NPHP1: variants seen among roughly 807,000 people sequenced by gnomAD.
The protein encoded by NPHP1 is nephrocystin-1.
A neutral mutation model predicts 90.4 loss-of-function variants in NPHP1; 70 were observed. The ratio of observed to expected loss-of-function variants is 0.77; its 90% confidence interval spans 0.64 to 0.95. The LOEUF is 0.95. NPHP1 is among the 40% of genes least tolerant of loss of function. NPHP1 has a pLI of 0.00. For missense variants in NPHP1, 764 were observed against 795.9 expected (o/e 0.96, Z 0.48); for synonymous variants, 256 against 271.7 (o/e 0.94, Z 0.57).
At chr2:110,189,350 C>T (rs929614698) in intron 2 of NPHP1, among the ~76,000 whole-genome samples, 3 of 152,026 alleles carry the variant, frequency 2.0e-5, no homozygotes, top group Admixed American at 1.3e-4. Context: ...CTGGTGGGTT[C>T]GTGGTCTCGC....
intron 4 of NPHP1, among the ~76,000 whole-genome samples, chr2:110,173,470 C>A (rs908558515): frequency 2.0e-5 from 3 of 152,086 alleles, no homozygotes; most frequent in Non-Finnish European, 4.4e-5. Context: ...TCATGTGCTG[C>A]ACAACAATGT....
chr2:110,194,194 T>G (rs1346852759), intron 2 of NPHP1, among the ~76,000 whole-genome samples: 1 of 151,992 alleles, frequency 6.6e-6, no homozygotes, highest in Non-Finnish European at 1.5e-5. Flanking sequence ...AAAAAAACCC[T>G]TCAAAAAATT....
chr2:110,202,269 C>T, intron 1 of NPHP1: 1 of 305,486 alleles, frequency 3.3e-6, no homozygotes, highest in Middle Eastern at 4.4e-4. Context: ...CTATAGATTA[C>T]GTAGAGAAGA....
chr2:110,178,809 A>C lies in NPHP1; in HGVS notation c.205-262T>G, dbSNP rs1173188037. ...TAAGTATTATAGACCTTCCATAGTC[A>C]GTAAGAGATATGTTCTGACAGAAGA... On this transcript the variant is annotated intron_variant, in intron 3 of 19. Transcript: ENST00000445609. 11 of 367,446 alleles carry C rather than the reference A, an allele frequency of 3.0e-5. No individual in the cohort carries two copies. The East Asian group carries it at 5.8e-4, about 19-fold the overall frequency. 22.8% of individuals were successfully genotyped at this position (367,446 alleles called of 1,614,324 possible).
intron 7 of NPHP1, 29 bp downstream of exon 7, chr2:110,165,023 T>C: frequency 6.6e-7 from 1 of 1,522,430 alleles, no homozygotes; most frequent in African/African-American, 1.4e-5. Flanking sequence ...TTCCTAAACC[T>C]ACTTTGATAT....
At chr2:110,150,101 C>T in intron 12 of NPHP1, 81 bp downstream of exon 12, 1 of 1,073,450 alleles carries the variant, frequency 9.3e-7, no homozygotes, top group Non-Finnish European at 1.5e-6. Context: ...TCTGTTCCCA[C>T]ATACTCTGTG....
At chr2:110,184,559 GC>G in intron 2 of NPHP1, 1 of 1,317,794 alleles carries the variant, frequency 7.6e-7, no homozygotes, top group Non-Finnish European at 1.1e-6. Context: ...CCCATGCTGT[GC>G]CCATCTATCA....
chr2:110,128,881 A>G lies in NPHP1; in HGVS notation c.1716+305T>C, dbSNP rs141702314. 1,037 of 405,350 alleles carry G rather than the reference A, an allele frequency of 2.6e-3. 10 individuals carry two copies. The highest frequency in any genetic ancestry group is 0.019 in the African/African-American group (970 of 49,968). 25.1% of individuals were successfully genotyped at this position (405,350 alleles called of 1,614,324 possible). The stretch of plus-strand genomic sequence containing the variant: ...TGCAAATTCAATTGATTTATCTTAC[A>G]GACCATTTTGGATTTTTGCTCTTAG... On this transcript the variant is annotated intron_variant, in intron 18 of 19. Transcript: ENST00000445609.
In NPHP1 at chr2:110,190,718, G is replaced by T. The variant is rs923698555; in HGVS notation, c.143+10703C>A. On this transcript the variant is annotated intron_variant, in intron 2 of 19. Coordinates refer to ENST00000445609, the MANE Select transcript of NPHP1 (RefSeq NM_001128178.3). ...CAGGCAGAGGAGGCGCCAAGAGTGA[G>T]CGAGGGCTGTGAGGACTGCCAGCAT... 2.0e-5 allele frequency among the ~76,000 whole-genome samples: 3 copies of T among 152,222 alleles called. 1 individual carries two copies. The highest frequency in any genetic ancestry group is 4.4e-5 in the Non-Finnish European group (3 of 68,040).
chr2:110,177,797 A>G (rs563065766), intron 4 of NPHP1, among the ~76,000 whole-genome samples: 2 of 151,216 alleles, frequency 1.3e-5, no homozygotes, highest in East Asian at 3.9e-4. Flanking sequence ...CAGGCTGTGC[A>G]CTGAGGTGAT....
Position 110,154,141 on chromosome 2 carries a change from T to C in NPHP1, c.1084-3885A>G, listed in dbSNP as rs548989307. Among the ~76,000 whole-genome samples the C allele has an allele frequency of 2.6e-5, 4 of 152,252 alleles. No homozygotes were observed. In the South Asian group the frequency reaches 8.3e-4, roughly 32 times the overall value. ...TTATGGGGATGGGTCTTTCCTGCGCTGTTCTTGTGATAGTGAATGAGTCTC... is the reference window on the plus strand; with the variant it reads ...TTATGGGGATGGGTCTTTCCTGCGCCGTTCTTGTGATAGTGAATGAGTCTC... On this transcript the variant is annotated intron_variant, in intron 11 of 19. Coordinates refer to ENST00000445609, the MANE Select transcript of NPHP1 (RefSeq NM_001128178.3).
At chr2:110,195,518 T>C (rs1412315474) in intron 2 of NPHP1, among the ~76,000 whole-genome samples, 1 of 152,126 alleles carries the variant, frequency 6.6e-6, no homozygotes, top group African/African-American at 2.4e-5. Context: ...TACAAACAAA[T>C]GGAAGAACAT....
chr2:110,136,426 A>G (rs1369408505), intron 16 of NPHP1, among the ~76,000 whole-genome samples: 1 of 152,168 alleles, frequency 6.6e-6, no homozygotes. Context: ...AGAAAACCCC[A>G]TTGTCTCAGC....
chr2:110,154,756 A>G (rs1468338935), intron 11 of NPHP1, among the ~76,000 whole-genome samples: 1 of 152,152 alleles, frequency 6.6e-6, no homozygotes, highest in Non-Finnish European at 1.5e-5. Flanking sequence ...ATTTCTAAGT[A>G]GCAAAGCACT....
intron 16 of NPHP1, among the ~76,000 whole-genome samples, 157 bp downstream of exon 16, chr2:110,143,385 G>A (rs1398296669): frequency 6.6e-6 from 1 of 152,108 alleles, no homozygotes; most frequent in Non-Finnish European, 1.5e-5. Flanking sequence ...TTTCAGCTTT[G>A]TTACCCATTT....
chr2:110,176,172 G>A lies in NPHP1; in HGVS notation c.329+2251C>T, dbSNP rs182079703. On this transcript the variant is annotated intron_variant, in intron 4 of 19. Coordinates refer to ENST00000445609, the MANE Select transcript of NPHP1 (RefSeq NM_001128178.3). ...GTTATTTGCTAATTCTCACATCTCC[G>A]AGCTACTGATTATTTATTCTCTTGA... Among the ~76,000 whole-genome samples the A allele has an allele frequency of 1.1e-4, 17 of 151,962 alleles. No homozygotes were observed. In the East Asian group the frequency reaches 2.7e-3, roughly 24 times the overall value.
chr2:110,186,886 C>T (rs766356045), intron 2 of NPHP1, among the ~76,000 whole-genome samples: 10 of 152,046 alleles, frequency 6.6e-5, no homozygotes, highest in African/African-American at 2.4e-4. Context: ...CAAAATCACA[C>T]AACTACAAGG....
At chr2:110,188,858 C>T (rs1371678824) in intron 2 of NPHP1, among the ~76,000 whole-genome samples, 1 of 152,106 alleles carries the variant, frequency 6.6e-6, no homozygotes, top group Non-Finnish European at 1.5e-5. Context: ...CTACAACCAT[C>T]TGATCTTTGA....
At chr2:110,124,154 G>A in intron 19 of NPHP1, 91 bp from the exon 20 acceptor site, 1 of 1,458,928 alleles carries the variant, frequency 6.9e-7, no homozygotes, top group South Asian at 1.2e-5. Context: ...CTAAGAGGTA[G>A]GATGGAGGGT....
Sources: gnomAD v4.1 joint callset for allele counts (sites outside exome capture counted in the v4.1 genomes callset) on GRCh38, gnomAD v4.1.1 for gene constraint, MANE v1.5 for transcripts, NCBI Gene and HGNC (gene_info 2026-07-23, HGNC 2026-07-21) for gene names.